ISM1: variants seen among roughly 807,000 people sequenced by gnomAD.
The protein encoded by ISM1 is isthmin 1.
ISM1 carries 25 observed loss-of-function variants against 46.3 expected under a neutral mutation model. That is an observed-to-expected ratio of 0.54 (90% CI 0.39 to 0.75). The LOEUF is 0.75. Among genes scored for constraint, ISM1 ranks in the 30% least tolerant of loss-of-function variants. ISM1 has a pLI of 0.00. For missense variants in ISM1, 536 were observed against 625.4 expected, an observed-to-expected ratio of 0.86 and a Z score of 1.52; for synonymous variants, 255 against 256.7, an observed-to-expected ratio of 0.99 and a Z score of 0.06.
At chr20:13,290,147 G>C (rs890437748) in intron 4 of ISM1, among the ~76,000 whole-genome samples, 4 of 152,184 alleles carry the variant, frequency 2.6e-5, no homozygotes, top group African/African-American at 9.7e-5. Context: ...CAAAACAGTG[G>C]AGCAACCATT....
chr20:13,255,220 AAGAG>A (rs2039913881), intron 1 of ISM1, among the ~76,000 whole-genome samples: 1 of 152,228 alleles, frequency 6.6e-6, no homozygotes. Flanking sequence ...TGAAGGATAG[AAGAG>A]AGAATGATGG....
At chr20:13,314,433 T>C in the ISM1 span, among the ~76,000 whole-genome samples, 2 of 152,014 alleles carry the variant, frequency 1.3e-5, no homozygotes, top group Admixed American at 6.6e-5. Context: ...ATCCACCTTC[T>C]CCTCAGAAAC....
chr20:13,282,452 G>A (rs1156971142), intron 3 of ISM1, among the ~76,000 whole-genome samples: 1 of 152,232 alleles, frequency 6.6e-6, no homozygotes, highest in Non-Finnish European at 1.5e-5. Flanking sequence ...ACAGAGTACA[G>A]TTTGCTGAAT....
intron 1 of ISM1, among the ~76,000 whole-genome samples, chr20:13,244,558 T>C (rs547767938): frequency 8.4e-4 from 128 of 152,286 alleles, no homozygotes; most frequent in Non-Finnish European, 1.3e-3. Context: ...ACATTGCATA[T>C]AAAAACATAT....
At chr20:13,235,876 A>G (rs1319429026) in intron 1 of ISM1, among the ~76,000 whole-genome samples, 1 of 151,928 alleles carries the variant, frequency 6.6e-6, no homozygotes, top group Non-Finnish European at 1.5e-5. Flanking sequence ...GAAACAGAAC[A>G]TGCCTGGGGA....
chr20:13,242,511 G>A (rs898777407), intron 1 of ISM1, among the ~76,000 whole-genome samples: 18 of 152,044 alleles, frequency 1.2e-4, no homozygotes, highest in African/African-American at 4.4e-4. Flanking sequence ...GCCCGAGAAG[G>A]TCCAGTAAAA....
intron 1 of ISM1, 54 bp downstream of exon 1, chr20:13,221,968 C>A: frequency 7.7e-7 from 1 of 1,294,166 alleles, no homozygotes; most frequent in Non-Finnish European, 9.8e-7. Flanking sequence ...GTTTGTGGGG[C>A]GGGGGTGCTG....
chr20:13,244,985 T>C (rs1279597593), intron 1 of ISM1, among the ~76,000 whole-genome samples: 2 of 152,170 alleles, frequency 1.3e-5, no homozygotes, highest in Admixed American at 6.5e-5. Flanking sequence ...TTTCTTTTTA[T>C]AAAATGTTCC....
At position 13,268,310 on chromosome 20, in the gene ISM1, T is replaced by C. The variant is rs573183467; in HGVS notation, c.139-2194T>C. Among the ~76,000 whole-genome samples, 109 of 150,670 alleles carry C rather than the reference T, an allele frequency of 7.2e-4. 1 individual carries two copies. The South Asian group carries it at 0.023, about 32-fold the overall frequency. ...CTTTCTTCTCTTCCTTCTCTTCTCT[T>C]TTCTCTTCTCTTCTCTTTCTCCTTC... On this transcript the variant is annotated intron_variant, in intron 1 of 5. Coordinates refer to ENST00000262487, the MANE Select transcript of ISM1 (RefSeq NM_080826.2).
rs1485615178 is a variant in ISM1 at position 13,221,735 on chromosome 20, C to G, written c.-42C>G. 3.0e-6 allele frequency: 4 copies of G among 1,347,984 alleles called. No individual in the cohort carries two copies. The highest frequency in any genetic ancestry group is 1.8e-5 in the South Asian group (1 of 54,562). The allele number at this position is 1,347,984 out of a possible 1,614,324, so 83.5% of individuals were successfully genotyped here. A position where few individuals can be genotyped will look rare whatever the true frequency, so the allele number is the denominator to read the frequency against. On this transcript the variant is annotated 5_prime_UTR_variant, in exon 1 of 6. Transcript: ENST00000262487. ...TCCCCCGGCGTCACCGCCGCCGCCG[C>G]CGGCCGCCGCGCCGGGTCCTAAAGC... is the stretch of plus-strand genomic sequence containing the variant.
chr20:13,284,717 A>G (rs1432746257), intron 3 of ISM1, among the ~76,000 whole-genome samples: 1 of 152,240 alleles, frequency 6.6e-6, no homozygotes, highest in Admixed American at 6.5e-5. Context: ...GAGCTCACAT[A>G]CATACTTCTT....
intron 1 of ISM1, among the ~76,000 whole-genome samples, chr20:13,253,054 A>G (rs1201218844): frequency 6.6e-6 from 1 of 152,154 alleles, no homozygotes. Flanking sequence ...TTAATTAGAG[A>G]CAGACACACA....
At chr20:13,225,333 C>A (rs1769224586) in intron 1 of ISM1, among the ~76,000 whole-genome samples, 1 of 152,150 alleles carries the variant, frequency 6.6e-6, no homozygotes, top group Non-Finnish European at 1.5e-5. Flanking sequence ...ACTGCAAGTT[C>A]TTGATAAAGT....
chr20:13,319,161 G>A, the ISM1 span, among the ~76,000 whole-genome samples: 10 of 151,764 alleles, frequency 6.6e-5, no homozygotes, highest in South Asian at 1.0e-3. Context: ...GTTCAATTTC[G>A]TTATGAAACT....
In ISM1 at chr20:13,300,188, T is replaced by C. The variant is rs746691097; in HGVS notation, c.*729T>C. The C allele has an allele frequency of 6.6e-6, 1 of 152,200 alleles. No individual in the cohort carries two copies. The highest frequency in any genetic ancestry group is 1.5e-5 in the Non-Finnish European group (1 of 68,030). The allele number at this position is 152,200 out of a possible 1,614,324, so 9.4% of individuals were successfully genotyped here. On this transcript the variant is annotated 3_prime_UTR_variant, in exon 6 of 6. Transcript: ENST00000262487. ...AAATAAAAGATCAATATTATCATAA[T>C]GCTATCATTCTGCTAAACGGCCCCA...
At position 13,283,463 on chromosome 20, in the gene ISM1, G is replaced by C. The variant is rs117139003; in HGVS notation, c.643+3565G>C. Among the ~76,000 whole-genome samples, 126 of 152,208 alleles carry C rather than the reference G, an allele frequency of 8.3e-4. 1 individual carries two copies. The highest frequency in any genetic ancestry group is 8.1e-3 in the East Asian group (42 of 5,182). ...TTAGTAAGAATTTATATATTTGTCC[G>C]CAAGGATTATTTCTAAAAATCCTAG... On this transcript the variant is annotated intron_variant, in intron 3 of 5. Transcript: ENST00000262487.
chr20:13,292,582 G>T (rs1245853151), intron 5 of ISM1, 119 bp downstream of exon 5: 7 of 677,612 alleles, frequency 1.0e-5, no homozygotes, highest in Non-Finnish European at 5.2e-6. Flanking sequence ...CTGGGGTCCA[G>T]TGCTCCCAGC....
At chr20:13,283,194 C>T (rs2040256424) in intron 3 of ISM1, among the ~76,000 whole-genome samples, 1 of 152,090 alleles carries the variant, frequency 6.6e-6, no homozygotes, top group Non-Finnish European at 1.5e-5. Context: ...TCCCACAGAC[C>T]CACTTTTATT....
At chr20:13,274,456 G>C (rs1222029039) in intron 2 of ISM1, among the ~76,000 whole-genome samples, 1 of 152,136 alleles carries the variant, frequency 6.6e-6, no homozygotes, top group African/African-American at 2.4e-5. Context: ...CCCTTCCCCT[G>C]GCAACCTGCC....
Sources: allele counts gnomAD v4.1 joint callset (sites outside exome capture counted in the v4.1 genomes callset), GRCh38; gene constraint gnomAD v4.1.1; transcripts MANE v1.5; gene names NCBI Gene and HGNC (gene_info 2026-07-23, HGNC 2026-07-21).